Variants in PLB1 observed in about 807,000 individuals in gnomAD.
PLB1 encodes phospholipase B1, membrane-associated.
PLB1 carries 242 observed loss-of-function variants against 227.4 expected under a neutral mutation model. That is an observed-to-expected ratio of 1.06 (90% CI 0.96 to 1.18). PLB1 has a LOEUF of 1.18. PLB1 is among the 50% of genes most tolerant of loss of function. The pLI is 0.00. For synonymous variants in PLB1, 757 were observed against 682.2 expected (o/e 1.11, Z -1.71); for missense variants, 1,858 against 1,816.3 (o/e 1.02, Z -0.42).
At chr2:28,513,927 A>G (rs1668553918) in intron 1 of PLB1, among the ~76,000 whole-genome samples, 2 of 152,210 alleles carry the variant, frequency 1.3e-5, no homozygotes, top group South Asian at 4.1e-4. Flanking sequence ...TAATAATGCC[A>G]TCTATTTCCC....
At chr2:28,526,783 A>G (rs1206989512) in intron 6 of PLB1, among the ~76,000 whole-genome samples, 4 of 152,224 alleles carry the variant, frequency 2.6e-5, no homozygotes, top group East Asian at 3.8e-4. Context: ...TGCCCTGTCA[A>G]TTCAGCCAGT....
At chr2:28,546,648 T>C (rs887605659) in intron 14 of PLB1, among the ~76,000 whole-genome samples, 3 of 152,074 alleles carry the variant, frequency 2.0e-5, no homozygotes, top group African/African-American at 7.2e-5. Flanking sequence ...TTTCTGGGGA[T>C]TGGGGATGCA....
intron 26 of PLB1, among the ~76,000 whole-genome samples, chr2:28,586,979 A>T (rs1314351105): frequency 6.6e-6 from 1 of 152,034 alleles, no homozygotes; most frequent in Non-Finnish European, 1.5e-5. Flanking sequence ...GGACTCCTGC[A>T]CACAAGCAAT....
chr2:28,619,519 GT>G (rs776491318), intron 46 of PLB1, among the ~76,000 whole-genome samples: 14 of 124,610 alleles, frequency 1.1e-4, no homozygotes, highest in African/African-American at 4.5e-4. Context: ...AAATTTCAAG[GT>G]TTTGTTTTTT....
intron 43 of PLB1, among the ~76,000 whole-genome samples, chr2:28,610,654 T>A (rs915653335): frequency 6.6e-6 from 1 of 152,150 alleles, no homozygotes. Context: ...GTGGTGACTG[T>A]ACATCTGGTT....
In PLB1 at chr2:28,516,883, C is replaced by A. The variant is rs1411381190; in HGVS notation, c.117+14C>A. The A allele has an allele frequency of 6.2e-7, 1 of 1,612,090 alleles. No homozygotes were observed. Among genetic ancestry groups the A allele is most frequent in the Non-Finnish European group, 8.5e-7 (1 of 1,178,286 alleles). On this transcript the variant is annotated intron_variant, in intron 2 of 57. Coordinates refer to ENST00000327757, the MANE Select transcript of PLB1 (RefSeq NM_153021.5). ...CTATGGCCAGAGGTAAGGGCTTTGG[C>A]TGGTGGGAGGTGCGTGTGTATGGAG...
chr2:28,604,595 C>T, intron 40 of PLB1, 60 bp from the exon 41 acceptor site: 1 of 1,431,412 alleles, frequency 7.0e-7, no homozygotes, highest in Non-Finnish European at 9.7e-7. Context: ...CTACTCTTGC[C>T]TCACTGGGTC....
chr2:28,630,702 G>A (rs772713537), intron 54 of PLB1, 38 bp downstream of exon 54: 78 of 1,559,788 alleles, frequency 5.0e-5, no homozygotes, highest in Non-Finnish European at 6.4e-5. Flanking sequence ...ACCCAGCTGG[G>A]GGGCCCCCTG....
rs187151785 is a variant in PLB1 at position 28,540,286 on chromosome 2, A to T, written c.699-80A>T. The T allele has an allele frequency of 3.3e-6, 4 of 1,196,098 alleles. No individual in the cohort carries two copies. In the East Asian group the frequency reaches 9.4e-5, roughly 28 times the overall value. The allele number at this position is 1,196,098 out of a possible 1,614,324, so 74.1% of individuals were successfully genotyped here. On this transcript the variant is annotated intron_variant, in intron 11 of 57. Coordinates refer to ENST00000327757, the MANE Select transcript of PLB1 (RefSeq NM_153021.5). The stretch of plus-strand genomic sequence containing the variant: ...AAGCAACTCCTATGCCCCTTCTTCC[A>T]TAAGAGGCGGGCTGGATGCATCCCC...
In PLB1 at chr2:28,529,309, C is replaced by G; in HGVS notation, c.326-8C>G. 1 of 1,597,964 alleles carries G rather than the reference C, an allele frequency of 6.3e-7. No homozygotes were observed. The highest frequency in any genetic ancestry group is 1.1e-5 in the South Asian group (1 of 90,716). On this transcript the variant is annotated splice_polypyrimidine_tract_variant and splice_region_variant and intron_variant, in intron 6 of 57. Coordinates refer to ENST00000327757, the MANE Select transcript of PLB1 (RefSeq NM_153021.5). ...AAGGCCAGGGCCTCAAACCAGTTCT[C>G]TCTTTAGTCCTTTCAGACATCATCA...
chr2:28,591,563 A>G (rs1048914399), intron 30 of PLB1, 137 bp from the exon 31 acceptor site: 29 of 842,378 alleles, frequency 3.4e-5, no homozygotes, highest in Middle Eastern at 6.2e-4. Context: ...AGCCTTCTTC[A>G]AAGGCCCTTT....
At chr2:28,541,313 T>A (rs900234420) in intron 12 of PLB1, among the ~76,000 whole-genome samples, 7 of 152,218 alleles carry the variant, frequency 4.6e-5, no homozygotes, top group African/African-American at 1.7e-4. Flanking sequence ...TGAAGAAAAT[T>A]GCATTTGAAG....
chr2:28,566,568 C>T, intron 19 of PLB1: 1 of 520,562 alleles, frequency 1.9e-6, no homozygotes, highest in Non-Finnish European at 3.5e-6. Context: ...CAGCGAAAAT[C>T]AGCCGCTGGT....
chr2:28,629,236 G>T (rs1301295079), intron 53 of PLB1, 51 bp downstream of exon 53: 3 of 1,550,592 alleles, frequency 1.9e-6, no homozygotes, highest in East Asian at 2.3e-5. Context: ...GGTGAGGAGG[G>T]CTTGCAGGTG....
intron 31 of PLB1, among the ~76,000 whole-genome samples, chr2:28,592,374 T>C (rs1682108812): frequency 6.6e-6 from 1 of 151,742 alleles, no homozygotes; most frequent in African/African-American, 2.4e-5. Flanking sequence ...CTCCCACCTT[T>C]CCCTTCTTCC....
chr2:28,525,988 C>T, intron 6 of PLB1, 43 bp downstream of exon 6: 1 of 1,609,560 alleles, frequency 6.2e-7, no homozygotes, highest in Non-Finnish European at 8.5e-7. Context: ...GTGCCCCTCT[C>T]CTTCCCAACA....
In PLB1 at chr2:28,643,093, T is replaced by A; in HGVS notation, c.*32T>A. On this transcript the variant is annotated 3_prime_UTR_variant, in exon 58 of 58. Transcript: ENST00000327757. Reference sequence around the variant, plus strand: ...GGGTGGGTCCTCACCCTAAACTCCCTATAGCCACTCTCTTCACCGCCCTCT... The same window carrying A: ...GGGTGGGTCCTCACCCTAAACTCCCAATAGCCACTCTCTTCACCGCCCTCT... The A allele has an allele frequency of 6.5e-7, 1 of 1,534,408 alleles. No homozygotes were observed. Among genetic ancestry groups the A allele is most frequent in the South Asian group, 1.2e-5 (1 of 81,338 alleles).
chr2:28,635,086 C>G (rs1048664206), intron 56 of PLB1, among the ~76,000 whole-genome samples: 3 of 152,114 alleles, frequency 2.0e-5, no homozygotes, highest in Admixed American at 2.0e-4. Flanking sequence ...GGAAACAAAA[C>G]AAGACTGTCC....
At chr2:28,613,427 C>T (rs1685765703) in intron 43 of PLB1, among the ~76,000 whole-genome samples, 1 of 152,138 alleles carries the variant, frequency 6.6e-6, no homozygotes, top group Non-Finnish European at 1.5e-5. Context: ...TGTCTGCTTC[C>T]TTCTTCCTTC....
Sources: allele counts gnomAD v4.1 joint callset (sites outside exome capture counted in the v4.1 genomes callset), GRCh38; gene constraint gnomAD v4.1.1; transcripts MANE v1.5; gene names NCBI Gene and HGNC (gene_info 2026-07-23, HGNC 2026-07-21).